SLC35F1: variants seen among roughly 807,000 people sequenced by gnomAD.
SLC35F1 encodes solute carrier family 35 member F1, also known as chromosome 6 open reading frame 169.
In SLC35F1, 14 loss-of-function variants were observed where a neutral mutation model predicts 48.7. The observed-to-expected ratio is 0.29, with a 90% CI of 0.19 to 0.45. The LOEUF is 0.45. Among genes scored for constraint, SLC35F1 ranks in the 20% least tolerant of loss-of-function variants. The pLI is 1.00. For synonymous variants in SLC35F1, 190 were observed against 202.2 expected (o/e 0.94, Z 0.51); for missense variants, 404 against 500.0 (o/e 0.81, Z 1.83).
intron 3 of SLC35F1, among the ~76,000 whole-genome samples, chr6:118,242,541 G>C (rs1304453551): frequency 2.0e-5 from 3 of 152,180 alleles, no homozygotes; most frequent in African/African-American, 7.2e-5. Flanking sequence ...TTCTAAAGAT[G>C]CATTTGTAGG....
intron 5 of SLC35F1, among the ~76,000 whole-genome samples, chr6:118,276,952 C>T (rs527801313): frequency 1.3e-5 from 2 of 152,240 alleles, no homozygotes; most frequent in African/African-American, 4.8e-5. Context: ...AAAATATGGT[C>T]CTCTGAGCAG....
intron 1 of SLC35F1, among the ~76,000 whole-genome samples, chr6:117,908,832 T>C (rs1353635634): frequency 1.3e-5 from 2 of 152,340 alleles, no homozygotes; most frequent in East Asian, 1.9e-4. Context: ...TGGGTGCCTT[T>C]CGATGCATCT....
chr6:118,224,286 T>A (rs898178689), intron 2 of SLC35F1, among the ~76,000 whole-genome samples: 1 of 152,210 alleles, frequency 6.6e-6, no homozygotes, highest in African/African-American at 2.4e-5. Flanking sequence ...TTCATGATGA[T>A]GAAAATTTAG....
intron 7 of SLC35F1, among the ~76,000 whole-genome samples, chr6:118,289,636 T>C (rs117125503): frequency 0.025 from 3,785 of 152,288 alleles, 79 homozygotes; most frequent in Middle Eastern, 0.068. Flanking sequence ...TTTAAACTTA[T>C]CATGTATATG....
chr6:117,916,520 A>G (rs1775827799), intron 1 of SLC35F1, among the ~76,000 whole-genome samples: 1 of 152,104 alleles, frequency 6.6e-6, no homozygotes. Flanking sequence ...ATCTGTACCT[A>G]TAAGGTGATG....
intron 1 of SLC35F1, among the ~76,000 whole-genome samples, chr6:118,114,655 C>T (rs757858233): frequency 5.9e-5 from 9 of 152,078 alleles, no homozygotes; most frequent in African/African-American, 1.2e-4. Context: ...GGATTACAGG[C>T]GTGAGCTACC....
intron 1 of SLC35F1, among the ~76,000 whole-genome samples, chr6:118,015,879 T>C (rs1002939266): frequency 6.6e-6 from 1 of 152,234 alleles, no homozygotes; most frequent in Non-Finnish European, 1.5e-5. Flanking sequence ...TAAATCCTTG[T>C]ATTTGGCACA....
chr6:118,243,628 A>G (rs1775468555), intron 3 of SLC35F1, among the ~76,000 whole-genome samples: 1 of 152,230 alleles, frequency 6.6e-6, no homozygotes, highest in Non-Finnish European at 1.5e-5. Context: ...CTTAGGTTTC[A>G]TGTAAGTGTG....
At chr6:118,180,774 G>T (rs190447186) in intron 2 of SLC35F1, among the ~76,000 whole-genome samples, 3 of 151,906 alleles carry the variant, frequency 2.0e-5, no homozygotes, top group Non-Finnish European at 4.4e-5. Context: ...AGGGAGATGG[G>T]CACTAAAGAG....
At chr6:118,257,444 A>T (rs1427946542) in intron 3 of SLC35F1, among the ~76,000 whole-genome samples, 1 of 152,206 alleles carries the variant, frequency 6.6e-6, no homozygotes, top group Non-Finnish European at 1.5e-5. Flanking sequence ...GCTAAGTTAA[A>T]TTGGAGTGGG....
At chr6:118,023,104 A>G (rs183774290) in intron 1 of SLC35F1, among the ~76,000 whole-genome samples, 11 of 152,204 alleles carry the variant, frequency 7.2e-5, no homozygotes, top group Admixed American at 4.6e-4. Flanking sequence ...AGGAATAGAG[A>G]ATGCAGCGAA....
chr6:118,294,986 T>C, intron 7 of SLC35F1, among the ~76,000 whole-genome samples: 1 of 152,292 alleles, frequency 6.6e-6, no homozygotes, highest in Middle Eastern at 3.4e-3. Context: ...TTTAAATAAT[T>C]GCTTTGAGTT....
chr6:118,169,330 A>G (rs1774365754), intron 2 of SLC35F1, among the ~76,000 whole-genome samples: 1 of 152,174 alleles, frequency 6.6e-6, no homozygotes, highest in African/African-American at 2.4e-5. Flanking sequence ...TCCCCTAGAG[A>G]AGGTCTCTAC....
chr6:118,076,921 G>T (rs2114312013), intron 1 of SLC35F1, among the ~76,000 whole-genome samples: 2 of 151,636 alleles, frequency 1.3e-5, no homozygotes, highest in African/African-American at 4.8e-5. Flanking sequence ...TCTCTTTCTT[G>T]AAACTTCCTT....
intron 1 of SLC35F1, among the ~76,000 whole-genome samples, chr6:117,982,583 A>G (rs1399241376): frequency 6.6e-6 from 1 of 152,218 alleles, no homozygotes; most frequent in African/African-American, 2.4e-5. Flanking sequence ...ATTTAATTGG[A>G]GCAGAATCTG....
intron 1 of SLC35F1, among the ~76,000 whole-genome samples, chr6:118,063,478 T>A (rs1772572092): frequency 6.6e-6 from 1 of 152,176 alleles, no homozygotes; most frequent in Admixed American, 6.5e-5. Context: ...TGTATGCATT[T>A]TTTTCTCTAT....
chr6:118,110,178 C>T (rs935176914), intron 1 of SLC35F1, among the ~76,000 whole-genome samples: 1 of 152,118 alleles, frequency 6.6e-6, no homozygotes, highest in Non-Finnish European at 1.5e-5. Flanking sequence ...GCTTGGAAGT[C>T]ATTGCTCCCT....
At chr6:118,027,271 T>C (rs561332472) in intron 1 of SLC35F1, among the ~76,000 whole-genome samples, 1 of 152,294 alleles carries the variant, frequency 6.6e-6, no homozygotes, top group Admixed American at 6.5e-5. Flanking sequence ...GGCCTTTGCA[T>C]GGACATATGT....
At position 118,190,041 on chromosome 6, in the gene SLC35F1, ATATAGAAG is replaced by A. The variant is rs575971069; in HGVS notation, c.349+35425_349+35432del. Among the ~76,000 whole-genome samples the A allele has an allele frequency of 1.8e-3, 271 of 152,346 alleles. 9 individuals carry two copies. In the South Asian group the frequency reaches 0.054, roughly 30 times the overall value. On this transcript the variant is annotated intron_variant, in intron 2 of 7. Coordinates refer to ENST00000360388, the MANE Select transcript of SLC35F1 (RefSeq NM_001029858.4). Reference sequence around the variant, plus strand: ...TTGCAGTTAGTTCACAAGGACTCAGATATAGAAGTATGGAGTCCTTCTCAGGCCATATT... The same window carrying A: ...TTGCAGTTAGTTCACAAGGACTCAGATATGGAGTCCTTCTCAGGCCATATT...
Sources: allele counts gnomAD v4.1 joint callset (sites outside exome capture counted in the v4.1 genomes callset), GRCh38; gene constraint gnomAD v4.1.1; transcripts MANE v1.5; gene names NCBI Gene and HGNC (gene_info 2026-07-23, HGNC 2026-07-21).